FTO: variants seen among roughly 807,000 people sequenced by gnomAD.
FTO encodes the protein FTO alpha-ketoglutarate dependent dioxygenase.
Under a neutral mutation model 63.9 loss-of-function variants are expected in FTO, and 47 were observed. The ratio of observed to expected loss-of-function variants is 0.74; its 90% confidence interval spans 0.58 to 0.94. FTO has a LOEUF of 0.94. Ranked by LOEUF, FTO falls within the 40% of genes least tolerant of loss-of-function variation. The pLI is 0.00. For missense variants in FTO, 562 were observed against 618.1 expected, an observed-to-expected ratio of 0.91 and a Z score of 0.96; for synonymous variants, 207 against 224.4, an observed-to-expected ratio of 0.92 and a Z score of 0.69.
intron 8 of FTO, among the ~76,000 whole-genome samples, chr16:53,984,101 C>T (rs1234653018): frequency 1.3e-5 from 2 of 152,102 alleles, no homozygotes; most frequent in African/African-American, 4.8e-5. Flanking sequence ...GCTTAAAACC[C>T]TATTGTGAAG....
chr16:53,722,511 A>G lies in FTO; in HGVS notation c.45+18282A>G, dbSNP rs564159982. ...AACTCTTAATCTGCTCTCCATCACC[A>G]GTAGAAAATATTTTGTTTAGAAAAT... On this transcript the variant is annotated intron_variant, in intron 1 of 8. Coordinates refer to ENST00000471389, the MANE Select transcript of FTO (RefSeq NM_001080432.3). Among the ~76,000 whole-genome samples the G allele has an allele frequency of 3.3e-5, 5 of 152,254 alleles. No homozygotes were observed. The South Asian group carries it at 6.2e-4, about 19-fold the overall frequency.
chr16:53,971,101 G>T lies in FTO; in HGVS notation c.1364+36992G>T, dbSNP rs565617855. On this transcript the variant is annotated intron_variant, in intron 8 of 8. Transcript: ENST00000471389. ...GATTTTTCACTTACTGTTAGAAGCA[G>T]TTTCTTTATATGATTTATAATGGCT... is the stretch of plus-strand genomic sequence containing the variant. Among the ~76,000 whole-genome samples the T allele has an allele frequency of 3.3e-4, 51 of 152,256 alleles. 1 individual carries two copies. The South Asian group carries it at 0.01, about 31-fold the overall frequency.
chr16:53,814,082 T>C (rs2078605501), intron 2 of FTO, among the ~76,000 whole-genome samples: 2 of 152,204 alleles, frequency 1.3e-5, no homozygotes, highest in Non-Finnish European at 1.5e-5. Context: ...AGGCCCATGC[T>C]CTTTCTGCTG....
chr16:53,815,827 T>G (rs964892060), intron 2 of FTO, among the ~76,000 whole-genome samples: 27 of 151,300 alleles, frequency 1.8e-4, no homozygotes, highest in Admixed American at 5.3e-4. Flanking sequence ...TTTTGTATTT[T>G]TAGTAGAAAC....
Position 53,873,831 on chromosome 16 carries a change from A to G in FTO, c.941A>G (p.Gln314Arg). The G allele has an allele frequency of 6.2e-7, 1 of 1,613,246 alleles. No homozygotes were observed. Among genetic ancestry groups the G allele is most frequent in the Non-Finnish European group, 8.5e-7 (1 of 1,179,338 alleles). The change falls in exon 5 of 9, where the codon CAA (glutamine) becomes CGA (arginine). Residue 314 changes from glutamine to arginine, a missense_variant. Transcript: ENST00000471389. ...CAACACTGTGTTTTGGCCGGTTCAC[A>G]ACCTCGGTTTAGTTCCACCCACCGA... ...THQHCVLAGS[Q>R]PRFSSTHRVA...
At chr16:53,999,396 C>T (rs1213935025) in intron 8 of FTO, among the ~76,000 whole-genome samples, 1 of 152,136 alleles carries the variant, frequency 6.6e-6, no homozygotes, top group Non-Finnish European at 1.5e-5. Context: ...TTCAGAGAAC[C>T]TAATGCATAA....
chr16:54,110,870 T>C (rs879229406), intron 8 of FTO, among the ~76,000 whole-genome samples: 2 of 152,234 alleles, frequency 1.3e-5, no homozygotes, highest in African/African-American at 4.8e-5. Flanking sequence ...TGTTCATTCC[T>C]TAATGCAATC....
chr16:54,086,664 G>T (rs1440920594), intron 8 of FTO, among the ~76,000 whole-genome samples: 1 of 152,180 alleles, frequency 6.6e-6, no homozygotes, highest in East Asian at 1.9e-4. Context: ...TAATTTACCA[G>T]CTATGGATCT....
intron 1 of FTO, among the ~76,000 whole-genome samples, chr16:53,747,553 G>A (rs1180262728): frequency 1.3e-5 from 2 of 151,898 alleles, no homozygotes; most frequent in Non-Finnish European, 2.9e-5. Flanking sequence ...TAATGTAGAG[G>A]TATTTGAGTT....
At chr16:53,750,569 TAAAGAAAAAC>T (rs1217798379) in intron 1 of FTO, among the ~76,000 whole-genome samples, 1 of 152,190 alleles carries the variant, frequency 6.6e-6, no homozygotes, top group Non-Finnish European at 1.5e-5. Context: ...TAAAAGATTA[TAAAGAAAAAC>T]AAAGAAGAAG....
chr16:53,969,865 G>A (rs2143714109), intron 8 of FTO, among the ~76,000 whole-genome samples: 1 of 152,300 alleles, frequency 6.6e-6, no homozygotes, highest in African/African-American at 2.4e-5. Flanking sequence ...TAGAAAAGCA[G>A]TTAGGGTAAC....
chr16:54,065,324 T>C (rs2085699336), intron 8 of FTO, among the ~76,000 whole-genome samples: 2 of 151,506 alleles, frequency 1.3e-5, no homozygotes, highest in African/African-American at 4.9e-5. Flanking sequence ...CCATCACACT[T>C]AGCTAATTTT....
chr16:54,021,544 C>G (rs2084600321), intron 8 of FTO, among the ~76,000 whole-genome samples: 1 of 152,160 alleles, frequency 6.6e-6, no homozygotes, highest in African/African-American at 2.4e-5. Flanking sequence ...GGCAGGAGTG[C>G]AGTGTCGCAA....
At chr16:53,745,493 T>C (rs991738680) in intron 1 of FTO, among the ~76,000 whole-genome samples, 8 of 152,204 alleles carry the variant, frequency 5.3e-5, no homozygotes, top group African/African-American at 1.9e-4. Flanking sequence ...TGTGATTGCA[T>C]TGGTTCAGTT....
chr16:53,713,464 C>T (rs1389891092), intron 1 of FTO, among the ~76,000 whole-genome samples: 1 of 152,168 alleles, frequency 6.6e-6, no homozygotes. Context: ...TTCTGCTAAG[C>T]ACATTCATTT....
At position 53,800,495 on chromosome 16, in the gene FTO, G is replaced by A. The variant is rs2078191452; in HGVS notation, c.46-9645G>A. ...TGGAGTGCTATCTACATGTCAGTTA[G>A]TTCAAGCTGGTTGATGGTGTTGTTC... On this transcript the variant is annotated intron_variant, in intron 1 of 8. Transcript: ENST00000471389. Among the ~76,000 whole-genome samples the A allele has an allele frequency of 2.6e-5, 4 of 152,266 alleles. No homozygotes were observed. In the South Asian group the frequency reaches 8.3e-4, roughly 32 times the overall value.
chr16:54,010,568 C>A (rs960319522), intron 8 of FTO, among the ~76,000 whole-genome samples: 4 of 112,586 alleles, frequency 3.6e-5, no homozygotes, highest in Admixed American at 8.8e-5. Context: ...TAAAATCAGT[C>A]CTGTTAAAAA....
At chr16:53,911,343 G>A (rs368205366) in intron 7 of FTO, 7 of 702,642 alleles carry the variant, frequency 1.0e-5, no homozygotes, top group African/African-American at 5.2e-5. Flanking sequence ...AGATAGCAGC[G>A]AGAGAGGTGA....
At chr16:53,801,903 G>A (rs979197044) in intron 1 of FTO, among the ~76,000 whole-genome samples, 1 of 152,072 alleles carries the variant, frequency 6.6e-6, no homozygotes, top group Non-Finnish European at 1.5e-5. Flanking sequence ...GGGATTACAG[G>A]TGTGCGCCAC....
Sources: gnomAD v4.1 joint callset for allele counts (sites outside exome capture counted in the v4.1 genomes callset) on GRCh38, gnomAD v4.1.1 for gene constraint, MANE v1.5 for transcripts, NCBI Gene and HGNC (gene_info 2026-07-23, HGNC 2026-07-21) for gene names.